The following MMS22L variants were observed in gnomAD, a reference collection of about 807,000 sequenced individuals.
The protein encoded by MMS22L is protein MMS22-like.
A neutral mutation model predicts 159.1 loss-of-function variants in MMS22L; 74 were observed. The ratio of observed to expected loss-of-function variants is 0.47; its 90% confidence interval spans 0.39 to 0.56. The LOEUF (loss-of-function observed/expected upper bound fraction) is 0.56. Ranked by LOEUF, MMS22L falls within the 20% of genes least tolerant of loss-of-function variation. The pLI, the probability that MMS22L is intolerant of heterozygous loss-of-function variation, is 0.00. For synonymous variants in MMS22L, 517 were observed against 506.9 expected, an observed-to-expected ratio of 1.02 and a Z score of -0.27; for missense variants, 1,351 against 1,422.1, an observed-to-expected ratio of 0.95 and a Z score of 0.80.
At chr6:97,159,650 A>G (rs1284038974) in intron 22 of MMS22L, among the ~76,000 whole-genome samples, 3 of 151,992 alleles carry the variant, frequency 2.0e-5, no homozygotes, top group African/African-American at 7.2e-5. Flanking sequence ...CCAAATCTGA[A>G]AGTATTTGAG....
At chr6:97,213,665 A>G (rs992756627) in intron 14 of MMS22L, among the ~76,000 whole-genome samples, 7 of 152,184 alleles carry the variant, frequency 4.6e-5, no homozygotes, top group Admixed American at 2.6e-4. Context: ...CATAAATTTG[A>G]TAATATAAAA....
intron 11 of MMS22L, among the ~76,000 whole-genome samples, chr6:97,241,922 C>A (rs1002640669): frequency 6.6e-5 from 10 of 152,142 alleles, no homozygotes; most frequent in Admixed American, 3.3e-4. Context: ...TTTCAAGGTT[C>A]ATTTTGGAAT....
chr6:97,280,115 T>C (rs1816625907), intron 3 of MMS22L, among the ~76,000 whole-genome samples: 2 of 152,156 alleles, frequency 1.3e-5, no homozygotes, highest in African/African-American at 2.4e-5. Flanking sequence ...ACGTATGACA[T>C]GGCGTAGATA....
At chr6:97,180,543 G>A (rs1408551793) in intron 16 of MMS22L, among the ~76,000 whole-genome samples, 7 of 152,000 alleles carry the variant, frequency 4.6e-5, no homozygotes, top group African/African-American at 1.4e-4. Context: ...GAAATACCTC[G>A]AATATAAGTT....
At chr6:97,270,221 G>A (rs1815579967) in intron 6 of MMS22L, 11 of 607,346 alleles carry the variant, frequency 1.8e-5, no homozygotes, top group Non-Finnish European at 3.3e-5. Flanking sequence ...AACCCACCTT[G>A]GGGCTGCTGA....
intron 10 of MMS22L, among the ~76,000 whole-genome samples, chr6:97,249,700 CTATTA>C (rs1320982766): frequency 6.8e-6 from 1 of 146,816 alleles, no homozygotes; most frequent in Non-Finnish European, 1.5e-5. Context: ...TGTATTTCTT[CTATTA>C]TAACACGTAC....
chr6:97,147,493 T>C (rs912351040), intron 24 of MMS22L, among the ~76,000 whole-genome samples: 3 of 152,212 alleles, frequency 2.0e-5, no homozygotes, highest in Non-Finnish European at 4.4e-5. Context: ...AAACTTCTTA[T>C]GGGCCTGCAT....
At chr6:97,265,830 T>G (rs1475548975) in intron 8 of MMS22L, 1 of 151,874 alleles carries the variant, frequency 6.6e-6, no homozygotes, top group Non-Finnish European at 1.5e-5. Flanking sequence ...CAAGCAATTC[T>G]CCCGCCTCAG....
intron 22 of MMS22L, among the ~76,000 whole-genome samples, chr6:97,153,997 G>A (rs1308976864): frequency 6.6e-6 from 1 of 152,024 alleles, no homozygotes; most frequent in Admixed American, 6.6e-5. Context: ...TGAAATTGCT[G>A]GGTCATACAG....
intron 9 of MMS22L, chr6:97,259,956 C>T (rs1339994193): frequency 6.6e-6 from 1 of 152,062 alleles, no homozygotes; most frequent in Admixed American, 6.5e-5. Context: ...GTTACAAAAT[C>T]CTTGGCTCAC....
chr6:97,214,677 TTTTTTTTG>T (rs1200662472), intron 14 of MMS22L, among the ~76,000 whole-genome samples: 17 of 83,672 alleles, frequency 2.0e-4, no homozygotes, highest in African/African-American at 6.8e-4. Context: ...GATTTTACTA[TTTTTTTTG>T]TTTTTTTTTT....
At chr6:97,185,032 C>T (rs1461611058) in intron 15 of MMS22L, among the ~76,000 whole-genome samples, 1 of 152,114 alleles carries the variant, frequency 6.6e-6, no homozygotes, top group African/African-American at 2.4e-5. Context: ...ATGTTCTTGC[C>T]TTCAGACTTC....
intron 14 of MMS22L, among the ~76,000 whole-genome samples, chr6:97,204,630 A>T (rs1156578166): frequency 6.6e-6 from 1 of 151,812 alleles, no homozygotes; most frequent in East Asian, 2.0e-4. Context: ...ACCTCTAAAA[A>T]TATTAGGCGG....
intron 4 of MMS22L, among the ~76,000 whole-genome samples, chr6:97,274,297 C>T (rs1442498953): frequency 1.3e-5 from 2 of 152,070 alleles, no homozygotes; most frequent in African/African-American, 2.4e-5. Context: ...TGTGTAAATA[C>T]CTCCATATTA....
intron 8 of MMS22L, chr6:97,263,696 A>C (rs1358627460): frequency 1.8e-5 from 5 of 275,634 alleles, no homozygotes; most frequent in Non-Finnish European, 2.7e-5. Context: ...TGCCGTGGTC[A>C]GCAAACTTTC....
chr6:97,195,100 A>G (rs879314557), intron 14 of MMS22L, among the ~76,000 whole-genome samples: 3 of 152,226 alleles, frequency 2.0e-5, no homozygotes, highest in Non-Finnish European at 4.4e-5. Flanking sequence ...TTGTACAATG[A>G]TCAGGAAACA....
chr6:97,280,895 C>CAATTTATT (rs1363862409), intron 3 of MMS22L, among the ~76,000 whole-genome samples: 1 of 152,112 alleles, frequency 6.6e-6, no homozygotes, highest in East Asian at 1.9e-4. Context: ...ACAGTCTAAA[C>CAATTTATT]AATTTATTTG....
At chr6:97,280,471 T>C (rs1385851066) in intron 3 of MMS22L, among the ~76,000 whole-genome samples, 1 of 152,068 alleles carries the variant, frequency 6.6e-6, no homozygotes, top group Non-Finnish European at 1.5e-5. Context: ...TAGCTGGGAT[T>C]ACAGACGCAT....
intron 14 of MMS22L, among the ~76,000 whole-genome samples, chr6:97,205,491 G>A (rs6905026): frequency 0.76 from 114,906 of 151,972 alleles, 44,436 homozygotes; most frequent in Middle Eastern, 0.83. Flanking sequence ...TTCAGATGAC[G>A]CGACAAACTT....
Sources: gnomAD v4.1 joint callset for allele counts (sites outside exome capture counted in the v4.1 genomes callset) on GRCh38, gnomAD v4.1.1 for gene constraint, MANE v1.5 for transcripts, NCBI Gene and HGNC (gene_info 2026-07-23, HGNC 2026-07-21) for gene names.